Variants in NBAS observed in about 807,000 individuals in gnomAD.
The protein encoded by NBAS is NBAS subunit of NRZ tethering complex, also known as NAG/BC035112 fusion.
Under a neutral mutation model 302.5 loss-of-function variants are expected in NBAS, and 219 were observed. The observed-to-expected ratio is 0.72, with a 90% CI of 0.65 to 0.81. The LOEUF is 0.81. Among genes scored for constraint, NBAS ranks in the 30% least tolerant of loss-of-function variants. The pLI is 0.00. For synonymous variants in NBAS, 1,118 were observed against 1,021.6 expected, an observed-to-expected ratio of 1.09 and a Z score of -1.80; for missense variants, 2,932 against 2,841.6, an observed-to-expected ratio of 1.03 and a Z score of -0.72.
At chr2:15,121,165 C>T in the NBAS span, among the ~76,000 whole-genome samples, 140 of 152,292 alleles carry the variant, frequency 9.2e-4, 3 homozygotes, top group East Asian at 0.019. Flanking sequence ...TCCTCATGGG[C>T]AATCTTTGTT....
At chr2:14,876,674 T>C in the NBAS span, among the ~76,000 whole-genome samples, 4 of 152,254 alleles carry the variant, frequency 2.6e-5, no homozygotes, top group Non-Finnish European at 5.9e-5. Context: ...AAAGAATTAT[T>C]ATTTTTGGTT....
Position 15,502,550 on chromosome 2 carries a change from G to C in NBAS, c.954+1595C>G, listed in dbSNP as rs1420748964. Among the ~76,000 whole-genome samples the C allele has an allele frequency of 2.0e-5, 3 of 152,186 alleles. No homozygotes were observed. In the East Asian group the frequency reaches 5.8e-4, roughly 29 times the overall value. On this transcript the variant is annotated intron_variant, in intron 11 of 51. Transcript: ENST00000281513. ...TCAGCATGCTACTCTACTGAATACT[G>C]TGGGCAACTGGAGCACAATGGTAAA...
chr2:15,557,165 A>G (rs1297205127), intron 2 of NBAS, among the ~76,000 whole-genome samples: 3 of 152,180 alleles, frequency 2.0e-5, no homozygotes, highest in Non-Finnish European at 2.9e-5. Flanking sequence ...AAACCAAAAT[A>G]TTTGTATAAA....
intron 44 of NBAS, among the ~76,000 whole-genome samples, chr2:15,239,196 C>T (rs2147947304): frequency 6.6e-6 from 1 of 152,076 alleles, no homozygotes. Flanking sequence ...AGTATCCAAA[C>T]ATTTTGGAAT....
intron 36 of NBAS, 112 bp downstream of exon 36, chr2:15,330,486 G>T: frequency 1.4e-6 from 2 of 1,403,594 alleles, no homozygotes; most frequent in Non-Finnish European, 2.0e-6. Flanking sequence ...TTAAGAGATT[G>T]TTTTAACAAT....
the NBAS span, among the ~76,000 whole-genome samples, chr2:15,108,752 G>A: frequency 6.6e-6 from 1 of 152,026 alleles, no homozygotes; most frequent in Admixed American, 6.6e-5. Context: ...AGCCTGAAAA[G>A]GCAACCAATT....
the NBAS span, among the ~76,000 whole-genome samples, chr2:15,136,347 C>T: frequency 1.3e-5 from 2 of 152,176 alleles, no homozygotes; most frequent in Non-Finnish European, 2.9e-5. Context: ...GCAAATTTCC[C>T]CTGGAAAGGG....
At chr2:15,146,602 A>T in the NBAS span, among the ~76,000 whole-genome samples, 1 of 152,106 alleles carries the variant, frequency 6.6e-6, no homozygotes, top group Non-Finnish European at 1.5e-5. Flanking sequence ...TCCAGTGAGA[A>T]TGACCTGCCC....
intron 35 of NBAS, among the ~76,000 whole-genome samples, chr2:15,343,050 G>A (rs1672927447): frequency 1.3e-5 from 2 of 151,900 alleles, no homozygotes; most frequent in African/African-American, 4.8e-5. Context: ...ATCAAGAGTG[G>A]CTATCAGGTT....
the NBAS span, among the ~76,000 whole-genome samples, chr2:15,039,028 T>C: frequency 9.7e-4 from 147 of 152,314 alleles, no homozygotes; most frequent in African/African-American, 3.3e-3. Context: ...TAGGAATAAA[T>C]ATTTGTAATG....
chr2:14,965,307 G>T, the NBAS span, among the ~76,000 whole-genome samples: 1 of 151,898 alleles, frequency 6.6e-6, no homozygotes, highest in Non-Finnish European at 1.5e-5. Context: ...TGGTTAGTTA[G>T]AAACAAAAAG....
At chr2:15,528,885 A>ATATATGTGTG (rs1553333197) in intron 9 of NBAS, among the ~76,000 whole-genome samples, 25 of 123,208 alleles carry the variant, frequency 2.0e-4, no homozygotes, top group African/African-American at 7.3e-4. Flanking sequence ...AAAAATATAT[A>ATATATGTGTG]TATATATATA....
chr2:15,238,332 A>G (rs752898090), intron 45 of NBAS, 136 bp downstream of exon 45: 3 of 834,038 alleles, frequency 3.6e-6, no homozygotes, highest in Non-Finnish European at 5.7e-6. Context: ...GAGGTTAACC[A>G]ATAAAGGCTT....
intron 44 of NBAS, among the ~76,000 whole-genome samples, chr2:15,265,520 G>T (rs1669037377): frequency 6.6e-6 from 1 of 152,064 alleles, no homozygotes; most frequent in Admixed American, 6.6e-5. Flanking sequence ...GTTTTCCTAG[G>T]TTGCAAGTCC....
the NBAS span, among the ~76,000 whole-genome samples, chr2:15,059,961 A>C: frequency 6.6e-5 from 5 of 76,320 alleles, no homozygotes; most frequent in African/African-American, 2.3e-4. Flanking sequence ...AAAAAAAAAA[A>C]AACAAAAAAA....
intron 6 of NBAS, among the ~76,000 whole-genome samples, chr2:15,540,727 T>C (rs1170152791): frequency 1.1e-5 from 1 of 88,584 alleles, no homozygotes; most frequent in Admixed American, 1.1e-4. Flanking sequence ...GTTTTGTTTT[T>C]TGTTTTTTTT....
At chr2:14,870,081 T>A in the NBAS span, among the ~76,000 whole-genome samples, 1 of 152,186 alleles carries the variant, frequency 6.6e-6, no homozygotes, top group East Asian at 1.9e-4. Context: ...CAGGTAGAGC[T>A]TAAGAGTGGT....
chr2:15,227,277 C>G (rs1243198352), intron 47 of NBAS, among the ~76,000 whole-genome samples: 2 of 151,894 alleles, frequency 1.3e-5, no homozygotes, highest in African/African-American at 4.8e-5. Flanking sequence ...GAAAAAAATA[C>G]CTAATAATAT....
chr2:15,496,830 T>C (rs1681091189), intron 11 of NBAS, among the ~76,000 whole-genome samples: 1 of 152,110 alleles, frequency 6.6e-6, no homozygotes, highest in African/African-American at 2.4e-5. Context: ...AGATTAGGTA[T>C]ACAAATAAAC....
Sources: allele counts gnomAD v4.1 joint callset (sites outside exome capture counted in the v4.1 genomes callset), GRCh38; gene constraint gnomAD v4.1.1; transcripts MANE v1.5; gene names NCBI Gene and HGNC (gene_info 2026-07-23, HGNC 2026-07-21).